OPRM1: variants seen among roughly 807,000 people sequenced by gnomAD.
OPRM1 encodes mu-type opioid receptor.
A neutral mutation model predicts 31.8 loss-of-function variants in OPRM1; 27 were observed. The ratio of observed to expected loss-of-function variants is 0.85; its 90% CI spans 0.63 to 1.17. The LOEUF is 1.17. Among genes scored for constraint, OPRM1 ranks in the 50% most tolerant of loss-of-function variants. OPRM1 has a pLI of 0.00. For missense variants in OPRM1, 536 were observed against 511.1 expected (o/e 1.05, Z -0.47); for synonymous variants, 196 against 189.9 (o/e 1.03, Z -0.26).
At chr6:154,174,055 T>C (rs932272298) in intron 3 of OPRM1, among the ~76,000 whole-genome samples, 3 of 152,186 alleles carry the variant, frequency 2.0e-5, no homozygotes, top group African/African-American at 7.2e-5. Flanking sequence ...ACCCAGAATT[T>C]CATATCCAGC....
At position 154,091,336 on chromosome 6, in the gene OPRM1, A is replaced by C. The variant is rs1173029453; in HGVS notation, c.1028A>C (p.Glu343Ala). The change falls in exon 3 of 4, where the codon GAA (glutamate) becomes GCA (alanine). Residue 343 changes from glutamate to alanine, a missense_variant. Transcript: ENST00000330432. The stretch of plus-strand genomic sequence containing the variant: ...CCAGTCCTTTATGCATTTCTGGATG[A>C]AAACTTCAAACGATGCTTCAGAGAG... ...LNPVLYAFLD[E>A]NFKRCFREFC... 4 of 1,614,236 alleles carry C rather than the reference A, an allele frequency of 2.5e-6. No individual in the cohort carries two copies. The highest frequency in any genetic ancestry group is 2.5e-6 in the Non-Finnish European group (3 of 1,180,046).
At chr6:154,089,089 T>C (rs1183622258) in intron 1 of OPRM1, among the ~76,000 whole-genome samples, 1 of 152,190 alleles carries the variant, frequency 6.6e-6, no homozygotes, top group African/African-American at 2.4e-5. Context: ...TAATCGCCTG[T>C]GTGTTTGTAT....
chr6:154,050,551 T>C (rs922862988), intron 1 of OPRM1, among the ~76,000 whole-genome samples: 5 of 151,008 alleles, frequency 3.3e-5, no homozygotes, highest in African/African-American at 1.2e-4. Flanking sequence ...AAAAATCAAA[T>C]CAATTGAATT....
In OPRM1 at chr6:154,045,937, G is replaced by A. The variant is rs540551345; in HGVS notation, c.290+6103G>A. The stretch of plus-strand genomic sequence containing the variant: ...AGAAGGCCCCGCCCACATTGTGACC[G>A]TCTCAAAAACATGCCTCGTTTTCCT... On this transcript the variant is annotated intron_variant, in intron 1 of 3. Coordinates refer to ENST00000330432, the MANE Select transcript of OPRM1 (RefSeq NM_000914.5). Among the ~76,000 whole-genome samples the A allele has an allele frequency of 2.5e-4, 38 of 152,274 alleles. 1 individual carries two copies. The highest frequency in any genetic ancestry group is 1.2e-3 in the Admixed American group (19 of 15,278).
intron 3 of OPRM1, among the ~76,000 whole-genome samples, chr6:154,106,075 C>G (rs1025755457): frequency 2.0e-5 from 3 of 152,186 alleles, no homozygotes; most frequent in Non-Finnish European, 4.4e-5. Context: ...CACACAGAAT[C>G]TCTTACAATT....
At position 154,091,214 on chromosome 6, in the gene OPRM1, C is replaced by A. The variant is rs1350526974; in HGVS notation, c.906C>A (p.Val302=). ...GCTGGACTCCCATTCACATTTACGTCATCATTAAAGCCTTGGTTACAATCC... is the reference window on the plus strand; with the variant it reads ...GCTGGACTCCCATTCACATTTACGTAATCATTAAAGCCTTGGTTACAATCC... ...IVCWTPIHIY[V]IIKALVTIPE... is the part of the protein sequence containing the mutation. The change falls in exon 3 of 4, where the codon GTC becomes GTA. Residue 302 remains valine, a synonymous_variant. Transcript: ENST00000330432. 6.2e-6 allele frequency: 10 copies of A among 1,614,074 alleles called. No individual in the cohort carries two copies. In the Admixed American group the frequency reaches 1.7e-4, roughly 27 times the overall value.
intron 1 of OPRM1, among the ~76,000 whole-genome samples, chr6:154,020,465 C>T (rs1327787774): frequency 1.3e-5 from 2 of 151,870 alleles, no homozygotes; most frequent in African/African-American, 4.8e-5. Flanking sequence ...TCCTGATAGA[C>T]CAAAATCACA....
At chr6:154,021,901 A>G (rs2128381988) in intron 1 of OPRM1, among the ~76,000 whole-genome samples, 1 of 152,140 alleles carries the variant, frequency 6.6e-6, no homozygotes, top group East Asian at 1.9e-4. Context: ...TGTCATCTGC[A>G]AACAAAGGCA....
At chr6:154,138,982 G>T (rs181683838) in intron 3 of OPRM1, among the ~76,000 whole-genome samples, 1 of 152,198 alleles carries the variant, frequency 6.6e-6, no homozygotes, top group African/African-American at 2.4e-5. Flanking sequence ...AGCGCAAGAA[G>T]ACTGGGACAC....
chr6:154,043,259 C>A (rs1212076272), intron 1 of OPRM1, among the ~76,000 whole-genome samples: 4 of 152,076 alleles, frequency 2.6e-5, no homozygotes, highest in Non-Finnish European at 5.9e-5. Flanking sequence ...TAGATAAATT[C>A]TCAATATAAC....
At chr6:154,201,840 A>G (rs184966996) in intron 3 of OPRM1, among the ~76,000 whole-genome samples, 112 of 152,344 alleles carry the variant, frequency 7.4e-4, no homozygotes, top group Non-Finnish European at 1.4e-3. Context: ...AGTTGCAGTG[A>G]GCCAAGATCA....
At chr6:154,243,102 A>G (rs1342890204) in intron 3 of OPRM1, among the ~76,000 whole-genome samples, 1 of 152,216 alleles carries the variant, frequency 6.6e-6, no homozygotes, top group African/African-American at 2.4e-5. Flanking sequence ...GCGAAGGCTT[A>G]GAGAGAGCCA....
At chr6:154,159,613 C>T (rs1798852675) in intron 3 of OPRM1, 3 of 555,620 alleles carry the variant, frequency 5.4e-6, no homozygotes, top group East Asian at 6.4e-5. Context: ...TTCAACTGAA[C>T]TCAATCATTC....
chr6:154,027,600 A>T (rs1043312276), intron 1 of OPRM1, among the ~76,000 whole-genome samples: 31 of 152,200 alleles, frequency 2.0e-4, no homozygotes, highest in African/African-American at 7.2e-4. Context: ...ATGTGCAGAG[A>T]TGTTGTCCAA....
At chr6:154,214,130 T>G in intron 3 of OPRM1, 2 of 864,354 alleles carry the variant, frequency 2.3e-6, no homozygotes. Flanking sequence ...GATCAGACTA[T>G]ACATAGAACT....
intron 1 of OPRM1, among the ~76,000 whole-genome samples, chr6:154,058,046 T>C (rs1215801338): frequency 1.3e-5 from 2 of 152,246 alleles, no homozygotes; most frequent in Non-Finnish European, 2.9e-5. Flanking sequence ...GACTTTGGTA[T>C]ATTTGTCAAT....
intron 1 of OPRM1, among the ~76,000 whole-genome samples, chr6:154,032,157 G>A (rs537243642): frequency 1.2e-4 from 19 of 152,302 alleles, no homozygotes; most frequent in Admixed American, 2.0e-4. Flanking sequence ...GTCAACAATC[G>A]TGGTAGTTGA....
chr6:154,077,539 T>C (rs1331310031), intron 1 of OPRM1, among the ~76,000 whole-genome samples: 1 of 151,666 alleles, frequency 6.6e-6, no homozygotes, highest in Non-Finnish European at 1.5e-5. Flanking sequence ...AAGACCAGCC[T>C]GGCCAACATG....
chr6:154,036,545 G>T (rs971309467), upstream of OPRM1, among the ~76,000 whole-genome samples: 2 of 151,930 alleles, frequency 1.3e-5, no homozygotes, highest in African/African-American at 4.8e-5. Context: ...CAATGGGAAT[G>T]GGGTTGCTCT....
Sources: gnomAD v4.1 joint callset for allele counts (sites outside exome capture counted in the v4.1 genomes callset) on GRCh38, gnomAD v4.1.1 for gene constraint, MANE v1.5 for transcripts, NCBI Gene and HGNC (gene_info 2026-07-23, HGNC 2026-07-21) for gene names.